MACROD2: variants seen among roughly 807,000 people sequenced by gnomAD.
MACROD2 encodes the protein ADP-ribose glycohydrolase MACROD2.
In MACROD2, 36 loss-of-function variants were observed where a neutral mutation model predicts 70.4. The observed-to-expected ratio is 0.51, with a 90% CI of 0.39 to 0.68. The LOEUF is 0.68. MACROD2 is among the 30% of genes least tolerant of loss of function. The probability of loss-of-function intolerance (pLI) is 0.00; values close to 1 mark genes in which losing one functional copy is unlikely to be tolerated. For missense variants in MACROD2, 496 were observed against 538.4 expected (o/e 0.92, Z 0.78); for synonymous variants, 172 against 178.8 (o/e 0.96, Z 0.30).
chr20:14,422,895 C>G (rs558777651), intron 3 of MACROD2, among the ~76,000 whole-genome samples: 8 of 152,288 alleles, frequency 5.3e-5, no homozygotes, highest in African/African-American at 1.7e-4. Flanking sequence ...TACTGTCAAG[C>G]ATCCTTTCAT....
chr20:14,722,381 G>A (rs1281152102), intron 5 of MACROD2, among the ~76,000 whole-genome samples: 1 of 152,132 alleles, frequency 6.6e-6, no homozygotes, highest in Non-Finnish European at 1.5e-5. Flanking sequence ...GCCTCCAGTA[G>A]TATTATTAAG....
At chr20:14,138,671 T>A (rs1244820947) in intron 3 of MACROD2, among the ~76,000 whole-genome samples, 1 of 152,044 alleles carries the variant, frequency 6.6e-6, no homozygotes, top group Non-Finnish European at 1.5e-5. Flanking sequence ...CTTTAAGTTA[T>A]AAATAAATTT....
At chr20:16,009,734 G>A (rs1048013099) in intron 15 of MACROD2, among the ~76,000 whole-genome samples, 13 of 151,992 alleles carry the variant, frequency 8.6e-5, no homozygotes, top group Admixed American at 2.0e-4. Context: ...TCCAGCCTGC[G>A]CGATAAGAGC....
chr20:15,644,506 C>G (rs1166170569), intron 8 of MACROD2, among the ~76,000 whole-genome samples: 1 of 152,132 alleles, frequency 6.6e-6, no homozygotes, highest in Non-Finnish European at 1.5e-5. Context: ...TCTCTTTTGT[C>G]TTAACAGTAC....
At chr20:15,592,381 G>A (rs2146670856) in intron 8 of MACROD2, among the ~76,000 whole-genome samples, 1 of 152,348 alleles carries the variant, frequency 6.6e-6, no homozygotes, top group Non-Finnish European at 1.5e-5. Context: ...ATTGAGAAGA[G>A]CTGCATGTTT....
rs550208399 is a variant in MACROD2 at position 14,242,148 on chromosome 20, G to A, written c.271+156420G>A. On this transcript the variant is annotated intron_variant, in intron 3 of 17. Coordinates refer to ENST00000684519, the MANE Select transcript of MACROD2 (RefSeq NM_001351661.2). ...GTTATTCAAAATAACATGTAGTCCTGCATACATTTAAAAAATTAAATTAGA... is the reference window on the plus strand; with the variant it reads ...GTTATTCAAAATAACATGTAGTCCTACATACATTTAAAAAATTAAATTAGA... Among the ~76,000 whole-genome samples, 4 of 152,198 alleles carry A rather than the reference G, an allele frequency of 2.6e-5. No individual in the cohort carries two copies. In the East Asian group the frequency reaches 7.7e-4, roughly 29 times the overall value.
At chr20:15,923,208 A>G (rs2065437662) in intron 10 of MACROD2, among the ~76,000 whole-genome samples, 1 of 152,196 alleles carries the variant, frequency 6.6e-6, no homozygotes, top group Non-Finnish European at 1.5e-5. Context: ...AACTGGGAAC[A>G]AAAAAAGGTT....
chr20:15,524,579 C>T (rs1021354083), intron 8 of MACROD2, among the ~76,000 whole-genome samples: 17 of 152,138 alleles, frequency 1.1e-4, no homozygotes, highest in East Asian at 3.9e-4. Flanking sequence ...GTGAATGATG[C>T]GTCACCTACA....
chr20:15,909,670 C>A (rs550040895), intron 10 of MACROD2, among the ~76,000 whole-genome samples: 1 of 151,576 alleles, frequency 6.6e-6, no homozygotes, highest in Non-Finnish European at 1.5e-5. Flanking sequence ...ACTACAGGCG[C>A]CCGCCACTGC....
At chr20:15,002,228 C>G (rs1360519916) in intron 5 of MACROD2, among the ~76,000 whole-genome samples, 1 of 152,068 alleles carries the variant, frequency 6.6e-6, no homozygotes, top group African/African-American at 2.4e-5. Context: ...TACATTCCCA[C>G]CAGCAGTGTA....
At chr20:14,561,734 T>G (rs980133875) in intron 4 of MACROD2, among the ~76,000 whole-genome samples, 20 of 151,870 alleles carry the variant, frequency 1.3e-4, no homozygotes, top group Non-Finnish European at 2.7e-4. Context: ...TGTGAGTTAC[T>G]TGAAAATGAC....
intron 4 of MACROD2, among the ~76,000 whole-genome samples, chr20:14,560,327 A>ACACACACC (rs1979345591): frequency 6.6e-6 from 1 of 151,562 alleles, no homozygotes; most frequent in East Asian, 1.9e-4. Flanking sequence ...ACACACACAC[A>ACACACACC]CACACACACA....
chr20:14,436,546 T>C (rs2084058337), intron 3 of MACROD2, among the ~76,000 whole-genome samples: 1 of 152,228 alleles, frequency 6.6e-6, no homozygotes, highest in Non-Finnish European at 1.5e-5. Flanking sequence ...GCGTCTTCCA[T>C]ATGCGTACTC....
chr20:14,304,954 G>T (rs1196454411), intron 3 of MACROD2, among the ~76,000 whole-genome samples: 1 of 152,028 alleles, frequency 6.6e-6, no homozygotes, highest in Non-Finnish European at 1.5e-5. Context: ...TCCACTAGTT[G>T]AGTAATTTTC....
chr20:15,870,049 A>G (rs2064557981), intron 9 of MACROD2, among the ~76,000 whole-genome samples: 1 of 152,170 alleles, frequency 6.6e-6, no homozygotes, highest in African/African-American at 2.4e-5. Context: ...AATTTTTAAA[A>G]CGAAACAAAT....
intron 2 of MACROD2, among the ~76,000 whole-genome samples, chr20:14,076,694 C>T (rs374908608): frequency 6.6e-6 from 1 of 151,654 alleles, no homozygotes; most frequent in African/African-American, 2.4e-5. Flanking sequence ...CTTCCACCCC[C>T]CAAAGAAGTA....
intron 6 of MACROD2, among the ~76,000 whole-genome samples, chr20:15,429,293 T>C (rs2046336780): frequency 6.6e-6 from 1 of 152,184 alleles, no homozygotes; most frequent in African/African-American, 2.4e-5. Context: ...CAGATGTTAT[T>C]GGCACCTCAA....
chr20:15,915,868 T>C (rs1472197712), intron 10 of MACROD2, among the ~76,000 whole-genome samples: 5 of 152,244 alleles, frequency 3.3e-5, no homozygotes, highest in Non-Finnish European at 7.4e-5. Flanking sequence ...TTGCCAGAGC[T>C]AATTCTTTGT....
intron 5 of MACROD2, among the ~76,000 whole-genome samples, chr20:14,704,596 A>G (rs2071246073): frequency 6.6e-6 from 1 of 151,986 alleles, no homozygotes; most frequent in East Asian, 1.9e-4. Context: ...ACCTATTCAA[A>G]TCCTGCCTGT....
Sources: gnomAD v4.1 joint callset for allele counts (sites outside exome capture counted in the v4.1 genomes callset) on GRCh38, gnomAD v4.1.1 for gene constraint, MANE v1.5 for transcripts, NCBI Gene and HGNC (gene_info 2026-07-23, HGNC 2026-07-21) for gene names.